NOVA1: variants seen among roughly 807,000 people sequenced by gnomAD.
NOVA1 encodes the protein NOVA alternative splicing regulator 1.
Under a neutral mutation model 38.0 loss-of-function variants are expected in NOVA1, and 7 were observed. The ratio of observed to expected loss-of-function variants is 0.18; its 90% CI spans 0.10 to 0.35. The LOEUF is 0.35. Ranked by LOEUF, NOVA1 falls within the 10% of genes least tolerant of loss-of-function variation. NOVA1 has a pLI of 1.00. For missense variants in NOVA1, 460 were observed against 616.0 expected (o/e 0.75, Z 2.68); for synonymous variants, 270 against 232.5 (o/e 1.16, Z -1.47).
intron 2 of NOVA1, among the ~76,000 whole-genome samples, chr14:26,523,179 G>A (rs888202018): frequency 4.6e-5 from 7 of 152,282 alleles, no homozygotes; most frequent in Middle Eastern, 3.4e-3. Context: ...TAGTTACTCA[G>A]AAACTCACTG....
At chr14:26,597,271 G>C in intron 1 of NOVA1, 30 bp downstream of exon 1, 1 of 1,238,562 alleles carries the variant, frequency 8.1e-7, no homozygotes, top group Non-Finnish European at 1.0e-6. Flanking sequence ...CGGGGGATGG[G>C]GCCAGCGGGG....
chr14:26,565,040 G>A (rs1345730847), intron 2 of NOVA1, among the ~76,000 whole-genome samples: 1 of 152,146 alleles, frequency 6.6e-6, no homozygotes, highest in Admixed American at 6.5e-5. Context: ...AGCTACAGGT[G>A]TAGAGAGTAC....
intron 2 of NOVA1, among the ~76,000 whole-genome samples, chr14:26,488,765 G>A (rs1046088135): frequency 6.6e-6 from 1 of 152,004 alleles, no homozygotes; most frequent in African/African-American, 2.4e-5. Flanking sequence ...AATAAATAGA[G>A]ATTTGCTGAC....
At chr14:26,516,472 T>C (rs925939619) in intron 2 of NOVA1, among the ~76,000 whole-genome samples, 4 of 152,182 alleles carry the variant, frequency 2.6e-5, no homozygotes, top group African/African-American at 9.6e-5. Context: ...GTTTTTCTTT[T>C]CCCCAACAGC....
At chr14:26,462,330 A>G (rs2138614562) in intron 4 of NOVA1, among the ~76,000 whole-genome samples, 1 of 152,272 alleles carries the variant, frequency 6.6e-6, no homozygotes, top group Non-Finnish European at 1.5e-5. Context: ...ATATTGTTTC[A>G]TGGTAAAGTC....
chr14:26,554,867 A>G lies in NOVA1; in HGVS notation c.280+40543T>C, dbSNP rs189024395. ...TTACCTAACTATGGCTATTTTGTGG[A>G]GATTTCTTAGCGTTTTCCTTGCGTA... On this transcript the variant is annotated intron_variant, in intron 2 of 4. Transcript: ENST00000539517. Among the ~76,000 whole-genome samples, 91 of 152,306 alleles carry G rather than the reference A, an allele frequency of 6.0e-4. 2 individuals carry two copies. In the East Asian group the frequency reaches 0.017, roughly 28 times the overall value.
At position 26,597,292 on chromosome 14, in the gene NOVA1, G is replaced by A. The variant is rs1306851037; in HGVS notation, c.136+9C>T. On this transcript the variant is annotated intron_variant, in intron 1 of 4. Transcript: ENST00000539517. ...ATGGGGCCAGCGGGGAGGTGGAAGC[G>A]ATACCCACCGCCCGTATTGGTCCTC... is the stretch of plus-strand genomic sequence containing the variant. The A allele has an allele frequency of 2.4e-6, 3 of 1,245,068 alleles. No individual in the cohort carries two copies. Among genetic ancestry groups the A allele is most frequent in the Non-Finnish European group, 3.0e-6 (3 of 988,084 alleles). The allele number at this position is 1,245,068 out of a possible 1,614,324, so 77.1% of individuals were successfully genotyped here.
At chr14:26,548,083 TTAGA>T (rs1333686416) in intron 2 of NOVA1, among the ~76,000 whole-genome samples, 3 of 152,152 alleles carry the variant, frequency 2.0e-5, no homozygotes, top group South Asian at 2.1e-4. Flanking sequence ...CACTACAAAA[TTAGA>T]TAGATAATTA....
At chr14:26,581,459 A>G (rs1893218591) in intron 2 of NOVA1, among the ~76,000 whole-genome samples, 2 of 152,078 alleles carry the variant, frequency 1.3e-5, no homozygotes, top group Admixed American at 1.3e-4. Context: ...CATTTCATGT[A>G]AACAATCTCA....
At chr14:26,546,762 G>A (rs1250600360) in intron 2 of NOVA1, among the ~76,000 whole-genome samples, 2 of 152,146 alleles carry the variant, frequency 1.3e-5, no homozygotes, top group African/African-American at 4.8e-5. Context: ...GCTCACACCT[G>A]TAATCCCAGC....
chr14:26,497,714 A>G lies in NOVA1; in HGVS notation c.281-17571T>C, dbSNP rs117437656. ...AAATCCAGAGAATAATTATGCATGGAAAAAGATTCAAATGAACTGATTTCC... is the reference window on the plus strand; with the variant it reads ...AAATCCAGAGAATAATTATGCATGGGAAAAGATTCAAATGAACTGATTTCC... On this transcript the variant is annotated intron_variant, in intron 2 of 4. Coordinates refer to ENST00000539517, the MANE Select transcript of NOVA1 (RefSeq NM_002515.3). 1.1e-4 allele frequency among the ~76,000 whole-genome samples: 16 copies of G among 152,276 alleles called. No homozygotes were observed. In the East Asian group the frequency reaches 2.7e-3, roughly 26 times the overall value.
At chr14:26,467,425 A>G (rs61990562) in intron 4 of NOVA1, among the ~76,000 whole-genome samples, 6,272 of 152,306 alleles carry the variant, frequency 0.041, 191 homozygotes, top group South Asian at 0.097. Flanking sequence ...AGTGGATTTA[A>G]GAATGGGAAT....
chr14:26,464,136 T>G lies in NOVA1; in HGVS notation c.519+8184A>C, dbSNP rs1225216421. ...AGTTCTCCAAATCCCTAGATCACAC[T>G]TTTTCTTTATCATACATTAAGTTCC... is the stretch of plus-strand genomic sequence containing the variant. On this transcript the variant is annotated intron_variant, in intron 4 of 4. Transcript: ENST00000539517. Among the ~76,000 whole-genome samples the G allele has an allele frequency of 3.3e-5, 5 of 152,290 alleles. No individual in the cohort carries two copies. In the East Asian group the frequency reaches 9.7e-4, roughly 29 times the overall value.
intron 1 of NOVA1, 166 bp from the exon 2 acceptor site, chr14:26,595,719 A>C: frequency 1.8e-6 from 1 of 556,564 alleles, no homozygotes; most frequent in South Asian, 2.7e-5. Context: ...TTACATTGAA[A>C]AACAAACAGG....
chr14:26,473,985 T>C (rs1053061274), intron 3 of NOVA1, among the ~76,000 whole-genome samples: 2 of 152,066 alleles, frequency 1.3e-5, no homozygotes, highest in African/African-American at 4.8e-5. Context: ...TTATTTTCCA[T>C]GCAATACTTT....
chr14:26,453,277 A>G (rs1174295778), intron 4 of NOVA1, among the ~76,000 whole-genome samples: 2 of 151,976 alleles, frequency 1.3e-5, no homozygotes, highest in Non-Finnish European at 1.5e-5. Flanking sequence ...ACACAATCAT[A>G]GCTCACTGCA....
chr14:26,596,962 C>A, intron 1 of NOVA1: 15 of 1,168,058 alleles, frequency 1.3e-5, no homozygotes, highest in East Asian at 5.3e-5. Context: ...CGGGGTCATC[C>A]TCCTCCTCCT....
intron 2 of NOVA1, among the ~76,000 whole-genome samples, chr14:26,532,186 A>G (rs2138556926): frequency 6.6e-6 from 1 of 152,272 alleles, no homozygotes; most frequent in South Asian, 2.1e-4. Context: ...ATTCCTAAGT[A>G]TTTACCCAAG....
At chr14:26,545,955 T>C (rs181956054) in intron 2 of NOVA1, among the ~76,000 whole-genome samples, 2 of 151,650 alleles carry the variant, frequency 1.3e-5, no homozygotes, top group Admixed American at 6.6e-5. Flanking sequence ...AGTAGTCTTT[T>C]ACGCAAACTT....
Sources: gnomAD v4.1 joint callset for allele counts (sites outside exome capture counted in the v4.1 genomes callset) on GRCh38, gnomAD v4.1.1 for gene constraint, MANE v1.5 for transcripts, NCBI Gene and HGNC (gene_info 2026-07-23, HGNC 2026-07-21) for gene names.